Variants in CNGB1 observed in about 807,000 individuals in gnomAD.
CNGB1 encodes the protein cyclic nucleotide-gated channel beta-1.
Under a neutral mutation model 151.7 loss-of-function variants are expected in CNGB1, and 126 were observed. The ratio of observed to expected loss-of-function variants is 0.83; its 90% CI spans 0.72 to 0.96. CNGB1 has a LOEUF of 0.96. CNGB1 is among the 40% of genes least tolerant of loss of function. The pLI, the probability that CNGB1 is intolerant of heterozygous loss-of-function variation, is 0.00. For synonymous variants in CNGB1, 623 were observed against 635.1 expected, an observed-to-expected ratio of 0.98 and a Z score of 0.29; for missense variants, 1,698 against 1,627.0, an observed-to-expected ratio of 1.04 and a Z score of -0.75.
rs1371240442 is a variant in CNGB1, at chr16:57,959,899, C to T, written c.750G>A (p.Arg250=). The T allele has an allele frequency of 1.9e-6, 3 of 1,545,782 alleles. No homozygotes were observed. The highest frequency in any genetic ancestry group is 2.5e-5 in the South Asian group (2 of 80,330). The change falls in exon 10 of 33, where the codon AGG becomes AGA. Residue 250 remains arginine (R), a synonymous_variant. Transcript: ENST00000251102. Reference sequence around the variant, plus strand: ...TGAGGGTGGCTCACCTGGCAGGGTCCCTGGTTGGTGGCAGGGAGGAGGTCT... The same window carrying T: ...TGAGGGTGGCTCACCTGGCAGGGTCTCTGGTTGGTGGCAGGGAGGAGGTCT... The part of the protein sequence containing the change: ...QAQTSSLPPT[R]DPARLVAWVL...
chr16:57,886,707 TCCTAAAGGACAG>T (rs144258882), intron 32 of CNGB1, among the ~76,000 whole-genome samples: 15,876 of 152,142 alleles, frequency 0.1, 1,127 homozygotes, highest in African/African-American at 0.2. Flanking sequence ...CCAGCAGACT[TCCTAAAGGACAG>T]CCGTGAACAG....
chr16:57,893,562 C>A (rs1960150408), intron 31 of CNGB1, among the ~76,000 whole-genome samples: 1 of 152,100 alleles, frequency 6.6e-6, no homozygotes, highest in Non-Finnish European at 1.5e-5. Flanking sequence ...CTTTGGGAGG[C>A]CAAGGCGGGC....
At position 57,950,394 on chromosome 16, in the gene CNGB1, C is replaced by G; in HGVS notation, c.1021G>C (p.Glu341Gln). The change falls in exon 13 of 33, where the codon GAG (glutamate) becomes CAG (glutamine). Residue 341 changes from glutamate (E) to glutamine (Q), a missense_variant. By Grantham distance (29) the Glu-to-Gln change is conservative. Transcript: ENST00000251102. Reference sequence around the variant, plus strand: ...CAGACTCCCCACCTGGGCATCTTCTCCACAGCTTTGTTCTCTTCTTCATAA... The same window carrying G: ...CAGACTCCCCACCTGGGCATCTTCTGCACAGCTTTGTTCTCTTCTTCATAA... ...PAYEEENKAV[E>Q]KMPRELSRIE... The G allele has an allele frequency of 1.2e-6, 2 of 1,614,234 alleles. No homozygotes were observed. Among genetic ancestry groups the G allele is most frequent in the East Asian group, 2.2e-5 (1 of 44,890 alleles).
chr16:57,922,440 T>C (rs1366359328), intron 18 of CNGB1, among the ~76,000 whole-genome samples: 1 of 151,030 alleles, frequency 6.6e-6, no homozygotes, highest in Non-Finnish European at 1.5e-5. Context: ...TCTTTTTTTT[T>C]TTTTTGAGAT....
chr16:57,927,981 A>G (rs1203335185), intron 17 of CNGB1, among the ~76,000 whole-genome samples: 2 of 152,230 alleles, frequency 1.3e-5, no homozygotes, highest in African/African-American at 4.8e-5. Context: ...ACACCTAGCC[A>G]TCTCCACTCT....
intron 1 of CNGB1, 49 bp from the exon 2 acceptor site, chr16:57,967,343 C>G: frequency 6.3e-7 from 1 of 1,584,892 alleles, no homozygotes; most frequent in Non-Finnish European, 8.7e-7. Context: ...CACAGTAGCT[C>G]CCGCCACTTA....
In CNGB1 at chr16:57,955,169, A is replaced by C. The variant is rs530511245; in HGVS notation, c.874+2172T>G. 16 of 1,498,360 alleles carry C rather than the reference A, an allele frequency of 1.1e-5. No homozygotes were observed. The African/African-American group carries it at 2.1e-4, about 19-fold the overall frequency. The allele number at this position is 1,498,360 out of a possible 1,614,324, so 92.8% of individuals were successfully genotyped here. On this transcript the variant is annotated intron_variant, in intron 12 of 32. Transcript: ENST00000251102. ...GGAGGCTCTGGGGCTGGTGCAGGTG[A>C]CTCTGGCTCCCCTTGTCCTGCCTGG...
intron 1 of CNGB1, among the ~76,000 whole-genome samples, chr16:57,968,452 G>A (rs774265083): frequency 2.0e-5 from 3 of 152,058 alleles, no homozygotes; most frequent in East Asian, 1.9e-4. Context: ...AACCAAGATC[G>A]TGCCACTGCA....
Position 57,904,934 on chromosome 16 carries a change from G to A in CNGB1, c.2493-59C>T, listed in dbSNP as rs1474934773. ...CACAGGCCCCACTCTGCCGCCCCGA[G>A]CAGTCTGGCTCAGACGCCTCTGATA... On this transcript the variant is annotated intron_variant, in intron 25 of 32. Coordinates refer to ENST00000251102, the MANE Select transcript of CNGB1 (RefSeq NM_001297.5). The A allele has an allele frequency of 3.7e-6, 6 of 1,609,194 alleles. No individual in the cohort carries two copies. The Admixed American group carries it at 8.3e-5, about 22-fold the overall frequency.
chr16:57,967,747 C>T (rs888526339), intron 1 of CNGB1, among the ~76,000 whole-genome samples: 2 of 152,040 alleles, frequency 1.3e-5, no homozygotes, highest in South Asian at 2.1e-4. Flanking sequence ...TATACATATA[C>T]ACATACATAT....
chr16:57,893,451 C>A (rs1475268040), intron 31 of CNGB1, among the ~76,000 whole-genome samples: 1 of 152,098 alleles, frequency 6.6e-6, no homozygotes, highest in African/African-American at 2.4e-5. Context: ...ATGCACTGAG[C>A]TCTCTTGTAT....
intron 23 of CNGB1, among the ~76,000 whole-genome samples, chr16:57,913,543 C>T (rs907760548): frequency 6.6e-6 from 1 of 152,046 alleles, no homozygotes; most frequent in African/African-American, 2.4e-5. Flanking sequence ...TGCAGTGGTA[C>T]AGTCATAGAT....
intron 32 of CNGB1, among the ~76,000 whole-genome samples, chr16:57,887,560 C>A (rs1189097499): frequency 6.6e-6 from 1 of 152,004 alleles, no homozygotes; most frequent in Non-Finnish European, 1.5e-5. Context: ...GGAGATAAAA[C>A]CATCACTGAA....
chr16:57,959,589 G>A (rs1161442136), intron 10 of CNGB1, among the ~76,000 whole-genome samples: 2 of 144,622 alleles, frequency 1.4e-5, no homozygotes, highest in Admixed American at 7.3e-5. Flanking sequence ...GAGACAGAGC[G>A]AGACTCGGTC....
intron 25 of CNGB1, among the ~76,000 whole-genome samples, chr16:57,907,990 G>A (rs1960602286): frequency 6.6e-6 from 1 of 152,192 alleles, no homozygotes; most frequent in Non-Finnish European, 1.5e-5. Context: ...CTGGGTTCCA[G>A]CGATCTTCCC....
In CNGB1 at chr16:57,939,576, A is replaced by C; in HGVS notation, c.1226T>G (p.Val409Gly). 6.2e-7 allele frequency: 1 copy of C among 1,613,968 alleles called. No individual in the cohort carries two copies. Among genetic ancestry groups the C allele is most frequent in the Non-Finnish European group, 8.5e-7 (1 of 1,179,980 alleles). ...STSDQKLWEE[V>G]GEEAKKEAEE... is the part of the protein sequence containing the mutation. ...AGCCTCCTTCTTGGCCTCCTCCCCAACTTCCTCCCACAGCTTCTGCAGAGA... is the reference window on the plus strand; with the variant it reads ...AGCCTCCTTCTTGGCCTCCTCCCCACCTTCCTCCCACAGCTTCTGCAGAGA... Residue 409 changes from valine to glycine, a missense_variant, in exon 16 of 33, where the codon GTT (valine) becomes GGT (glycine). Coordinates refer to ENST00000251102, the MANE Select transcript of CNGB1 (RefSeq NM_001297.5).
At position 57,905,008 on chromosome 16, in the gene CNGB1, A is replaced by C. The variant is rs1383153420; in HGVS notation, c.2493-133T>G. 7.1e-6 allele frequency: 8 copies of C among 1,132,044 alleles called. No individual in the cohort carries two copies. The East Asian group carries it at 7.1e-5, about 10-fold the overall frequency. The allele number at this position is 1,132,044 out of a possible 1,614,324, so 70.1% of individuals were successfully genotyped here. A position where few individuals can be genotyped will look rare whatever the true frequency, so the allele number is the denominator to read the frequency against. ...AAACCCTTTACAGCTCATCTATGCA[A>C]GGAAAACCACCTCCTGCACGTGTAG... is the stretch of plus-strand genomic sequence containing the variant. On this transcript the variant is annotated intron_variant, in intron 25 of 32. Coordinates refer to ENST00000251102, the MANE Select transcript of CNGB1 (RefSeq NM_001297.5).
Position 57,909,602 on chromosome 16 carries a change from T to C in CNGB1, c.2492+2151A>G, listed in dbSNP as rs1319629349. On this transcript the variant is annotated intron_variant, in intron 25 of 32. Transcript: ENST00000251102. ...TGTGGTTTCGCCATGTCGACTAGGC[T>C]GGTCTCAAACTCTTGGCCTCATGTG... 2.6e-5 allele frequency among the ~76,000 whole-genome samples: 4 copies of C among 152,214 alleles called. No individual in the cohort carries two copies. In the East Asian group the frequency reaches 7.7e-4, roughly 29 times the overall value.
At chr16:57,914,609 GCT>G (rs1331801180) in intron 23 of CNGB1, among the ~76,000 whole-genome samples, 1 of 152,216 alleles carries the variant, frequency 6.6e-6, no homozygotes, top group African/African-American at 2.4e-5. Context: ...GATCCTGAAT[GCT>G]CTGAGTGGCT....
Sources: gnomAD v4.1 joint callset for allele counts (sites outside exome capture counted in the v4.1 genomes callset) on GRCh38, gnomAD v4.1.1 for gene constraint, MANE v1.5 for transcripts, NCBI Gene and HGNC (gene_info 2026-07-23, HGNC 2026-07-21) for gene names.